GPHN: variants seen among roughly 807,000 people sequenced by gnomAD.
The protein encoded by GPHN is gephyrin.
A neutral mutation model predicts 95.5 loss-of-function variants in GPHN; 17 were observed. That is an observed-to-expected ratio of 0.18 (90% CI 0.12 to 0.27). The LOEUF is 0.27. Among genes scored for constraint, GPHN ranks in the 10% least tolerant of loss-of-function variants. The pLI, the probability that GPHN is intolerant of heterozygous loss-of-function variation, is 1.00. For missense variants in GPHN, 660 were observed against 978.1 expected (o/e 0.67, Z 4.34); for synonymous variants, 320 against 322.5 (o/e 0.99, Z 0.08).
intron 3 of GPHN, chr14:66,823,441 A>G (rs1238186398): frequency 6.6e-6 from 1 of 152,214 alleles, no homozygotes; most frequent in Non-Finnish European, 1.5e-5. Flanking sequence ...CTGTATTATA[A>G]TAATCATTGA....
At chr14:67,598,027 G>A in the GPHN span, among the ~76,000 whole-genome samples, 10 of 152,102 alleles carry the variant, frequency 6.6e-5, no homozygotes, top group African/African-American at 1.2e-4. Flanking sequence ...AAAGCAATCC[G>A]TGCCCTACTA....
intron 1 of GPHN, among the ~76,000 whole-genome samples, chr14:66,654,160 G>GTT (rs1566767512): frequency 6.6e-6 from 1 of 151,846 alleles, no homozygotes; most frequent in African/African-American, 2.4e-5. Context: ...GTTTGTTTTT[G>GTT]TTTTTTTGAG....
chr14:66,580,950 T>G (rs1680550177), intron 1 of GPHN, among the ~76,000 whole-genome samples: 1 of 151,798 alleles, frequency 6.6e-6, no homozygotes, highest in Admixed American at 6.6e-5. Flanking sequence ...ATGAAAAACA[T>G]CATACACCAT....
At position 66,822,361 on chromosome 14, in the gene GPHN, G is replaced by T. The variant is rs532588901; in HGVS notation, c.202-2113G>T. 2.6e-5 allele frequency among the ~76,000 whole-genome samples: 4 copies of T among 152,290 alleles called. No individual in the cohort carries two copies. The East Asian group carries it at 7.7e-4, about 29-fold the overall frequency. On this transcript the variant is annotated intron_variant, in intron 3 of 22. Transcript: ENST00000478722. ...TTAGACTAGTAGTTTTCAGTTGCTG[G>T]CTACATTTTAGAATTACCTGGGAAG...
At chr14:66,927,964 A>T (rs1311827425) in intron 8 of GPHN, among the ~76,000 whole-genome samples, 1 of 152,170 alleles carries the variant, frequency 6.6e-6, no homozygotes, top group Non-Finnish European at 1.5e-5. Context: ...GGATTTTTAC[A>T]TCAATGTTAA....
intron 16 of GPHN, among the ~76,000 whole-genome samples, chr14:67,121,252 C>T (rs2078997024): frequency 6.6e-6 from 1 of 152,032 alleles, no homozygotes; most frequent in African/African-American, 2.4e-5. Context: ...GTGAAGGACC[C>T]CCTACTCTTA....
the GPHN span, among the ~76,000 whole-genome samples, chr14:67,211,007 AAAC>A: frequency 4.6e-5 from 7 of 152,132 alleles, no homozygotes; most frequent in African/African-American, 1.7e-4. Flanking sequence ...CTCAAAAAAC[AAAC>A]AAAAACAGAG....
chr14:66,659,519 C>T (rs2065511351), intron 1 of GPHN, among the ~76,000 whole-genome samples: 1 of 151,928 alleles, frequency 6.6e-6, no homozygotes, highest in Non-Finnish European at 1.5e-5. Flanking sequence ...TGTGAGGCTT[C>T]TTGATGTCTC....
At chr14:67,146,085 A>G (rs1338851649) in intron 18 of GPHN, among the ~76,000 whole-genome samples, 1 of 152,204 alleles carries the variant, frequency 6.6e-6, no homozygotes, top group African/African-American at 2.4e-5. Context: ...GGGCCATGCT[A>G]GGAGCACTAA....
At chr14:67,718,446 A>G in the GPHN span, among the ~76,000 whole-genome samples, 1 of 152,226 alleles carries the variant, frequency 6.6e-6, no homozygotes, top group Admixed American at 6.5e-5. Context: ...ATTTATGACC[A>G]AAGGTCAAAT....
intron 1 of GPHN, among the ~76,000 whole-genome samples, chr14:66,665,721 A>G (rs1240968571): frequency 6.6e-6 from 1 of 152,190 alleles, no homozygotes; most frequent in African/African-American, 2.4e-5. Context: ...AACTAGAAAT[A>G]CCATGTGACC....
intron 2 of GPHN, among the ~76,000 whole-genome samples, chr14:66,687,519 G>A (rs746540228): frequency 4.2e-5 from 5 of 120,364 alleles, no homozygotes; most frequent in Admixed American, 2.0e-4. Context: ...ACGGAGTTTC[G>A]CTCTTGTTGC....
chr14:67,410,438 C>G, the GPHN span, among the ~76,000 whole-genome samples: 1 of 152,120 alleles, frequency 6.6e-6, no homozygotes, highest in South Asian at 2.1e-4. Flanking sequence ...TAGGAGCTCC[C>G]CATGTGTAGT....
intron 5 of GPHN, among the ~76,000 whole-genome samples, chr14:66,882,842 T>C (rs1479898458): frequency 6.6e-6 from 1 of 151,484 alleles, no homozygotes; most frequent in Non-Finnish European, 1.5e-5. Context: ...TTGACTGTTC[T>C]TTTCTTTCAG....
the GPHN span, chr14:67,382,688 G>A: frequency 2.5e-5 from 35 of 1,401,630 alleles, no homozygotes; most frequent in Non-Finnish European, 3.2e-5. Flanking sequence ...ATGTCATATT[G>A]TAGGATGGTC....
chr14:67,332,497 C>G, the GPHN span, among the ~76,000 whole-genome samples: 2 of 151,996 alleles, frequency 1.3e-5, no homozygotes, highest in African/African-American at 4.8e-5. Flanking sequence ...GTTCTTGAAG[C>G]TTGTAGTTTT....
At chr14:66,930,871 G>A (rs1238613650) in intron 8 of GPHN, among the ~76,000 whole-genome samples, 1 of 152,108 alleles carries the variant, frequency 6.6e-6, no homozygotes, top group African/African-American at 2.4e-5. Flanking sequence ...CAAGATATGA[G>A]ATGAGTAATT....
the GPHN span, among the ~76,000 whole-genome samples, chr14:67,612,743 C>T: frequency 6.6e-6 from 1 of 152,072 alleles, no homozygotes; most frequent in Admixed American, 6.5e-5. Context: ...TCGAAACCAG[C>T]CTGGCCAATG....
At chr14:67,395,369 G>C in the GPHN span, 1 of 1,594,306 alleles carries the variant, frequency 6.3e-7, no homozygotes, top group African/African-American at 1.3e-5. Flanking sequence ...GGCAGGAGAG[G>C]CTGCCACAGA....
Sources: allele counts gnomAD v4.1 joint callset (sites outside exome capture counted in the v4.1 genomes callset), GRCh38; gene constraint gnomAD v4.1.1; transcripts MANE v1.5; gene names NCBI Gene and HGNC (gene_info 2026-07-23, HGNC 2026-07-21).